BRWD1: variants seen among roughly 807,000 people sequenced by gnomAD.
BRWD1 encodes the protein bromodomain and WD repeat-containing protein 1.
In BRWD1, 82 loss-of-function variants were observed where a neutral mutation model predicts 251.2. That is an observed-to-expected ratio of 0.33 (90% CI 0.27 to 0.39). The LOEUF is 0.39. BRWD1 is among the 10% of genes least tolerant of loss of function. The pLI, the probability that BRWD1 is intolerant of heterozygous loss-of-function variation, is 1.00. For synonymous variants in BRWD1, 918 were observed against 902.8 expected (o/e 1.02, Z -0.30); for missense variants, 2,233 against 2,711.6 (o/e 0.82, Z 3.92).
At chr21:39,255,514 T>G in intron 19 of BRWD1, 131 bp downstream of exon 19, 1 of 740,976 alleles carries the variant, frequency 1.3e-6, no homozygotes, top group Non-Finnish European at 2.1e-6. Context: ...ATTAAGATAG[T>G]AAGATTCCCA....
In BRWD1 at chr21:39,225,183, A is replaced by T; in HGVS notation, c.3223T>A (p.Ser1075Thr). Reference sequence around the variant, plus strand: ...AACCACCAAGCATCATCAATAATAGAGCGGAATCTGTCACCTAGGAGAGAA... The same window carrying T: ...AACCACCAAGCATCATCAATAATAGTGCGGAATCTGTCACCTAGGAGAGAA... ...RNWQSCDRFR[S>T]IIDDAWWFGT... Residue 1075 changes from serine to threonine, a missense_variant, in exon 28 of 41, where the codon TCT becomes ACT. Ser to Thr is a moderately conservative substitution (Grantham distance 58, BLOSUM62 1). This residue lies in a region of BRWD1 where 139 missense variants were observed against 272.8 expected (regional missense o/e 0.51). Coordinates refer to ENST00000342449, the MANE Select transcript of BRWD1 (RefSeq NM_033656.4). 6.2e-7 allele frequency: 1 copy of T among 1,612,230 alleles called. No homozygotes were observed. The highest frequency in any genetic ancestry group is 8.5e-7 in the Non-Finnish European group (1 of 1,178,610).
chr21:39,319,855 TTTTTC>T (rs1236705959), intron 1 of BRWD1, among the ~76,000 whole-genome samples: 1 of 152,228 alleles, frequency 6.6e-6, no homozygotes, highest in Non-Finnish European at 1.5e-5. Flanking sequence ...TCATTTTATT[TTTTTC>T]TTTTCATTTA....
chr21:39,291,177 C>G (rs769312410), intron 8 of BRWD1, among the ~76,000 whole-genome samples: 2 of 152,166 alleles, frequency 1.3e-5, no homozygotes, highest in Non-Finnish European at 2.9e-5. Flanking sequence ...TACTCACTCT[C>G]TTTTCTTTGA....
intron 4 of BRWD1, among the ~76,000 whole-genome samples, chr21:39,309,019 C>T (rs1013226948): frequency 2.0e-5 from 3 of 151,948 alleles, no homozygotes; most frequent in East Asian, 3.9e-4. Context: ...ACTAAAACTA[C>T]GAAAATTAGC....
chr21:39,184,594 T>TA (rs367931416), downstream of BRWD1: 101 of 152,294 alleles, frequency 6.6e-4, no homozygotes, highest in East Asian at 0.017. Context: ...CCTGTTGAGA[T>TA]AAAATCTCAA....
intron 29 of BRWD1, among the ~76,000 whole-genome samples, chr21:39,220,258 G>T (rs1020292737): frequency 2.6e-5 from 4 of 152,134 alleles, no homozygotes; most frequent in Non-Finnish European, 5.9e-5. Flanking sequence ...GCCAGGAAAA[G>T]AACCAAATGA....
rs545853318 is a variant in BRWD1, at chr21:39,279,643, A to G, written c.932+505T>C. ...AACAGAGTGAGACTCCATCTCAAAAAAAAAAAAAAAAAAGAAAAAAAAAAA... is the reference window on the plus strand; with the variant it reads ...AACAGAGTGAGACTCCATCTCAAAAGAAAAAAAAAAAAAGAAAAAAAAAAA... On this transcript the variant is annotated intron_variant, in intron 9 of 40. Transcript: ENST00000342449. Among the ~76,000 whole-genome samples the G allele has an allele frequency of 4.5e-4, 55 of 121,378 alleles. No homozygotes were observed. The East Asian group carries it at 5.3e-3, about 12-fold the overall frequency. The allele number at this position is 121,378 out of a possible 152,430, so 79.6% of individuals were successfully genotyped here.
At chr21:39,249,524 G>GT (rs146100129) in intron 20 of BRWD1, among the ~76,000 whole-genome samples, 2,321 of 152,188 alleles carry the variant, frequency 0.015, 58 homozygotes, top group African/African-American at 0.053. Flanking sequence ...ATTGGTTTTA[G>GT]TTTTTTTAAA....
At chr21:39,293,722 A>G (rs941561354) in intron 8 of BRWD1, 89 bp downstream of exon 8, 1 of 962,438 alleles carries the variant, frequency 1.0e-6, no homozygotes. Context: ...ACTAATACAC[A>G]TCTTACTATT....
At chr21:39,215,809 C>G (rs916645900) in intron 31 of BRWD1, among the ~76,000 whole-genome samples, 2 of 152,082 alleles carry the variant, frequency 1.3e-5, no homozygotes, top group Non-Finnish European at 2.9e-5. Flanking sequence ...GCCTGGACAA[C>G]ATGGCAAAAC....
At chr21:39,274,987 G>A (rs2035235001) in intron 12 of BRWD1, among the ~76,000 whole-genome samples, 1 of 152,008 alleles carries the variant, frequency 6.6e-6, no homozygotes, top group African/African-American at 2.4e-5. Flanking sequence ...TTGCAGTGCA[G>A]TGAGCCGAGG....
intron 36 of BRWD1, among the ~76,000 whole-genome samples, chr21:39,208,165 T>C (rs1453287789): frequency 6.6e-6 from 1 of 152,226 alleles, no homozygotes; most frequent in East Asian, 1.9e-4. Flanking sequence ...GACAATGTAC[T>C]ATACCAAAAA....
chr21:39,262,459 G>A (rs984741692), intron 17 of BRWD1, among the ~76,000 whole-genome samples: 3 of 152,206 alleles, frequency 2.0e-5, no homozygotes, highest in Non-Finnish European at 4.4e-5. Flanking sequence ...CCTCATGCCT[G>A]TAATCCCACC....
In BRWD1 at chr21:39,215,380, C is replaced by A. The variant is rs1279253900; in HGVS notation, c.3660-18G>T. ...ACAGCCTCCTTCAAAATAAAGTAGA[C>A]AATTTAGGGCTTAGAAAATGAGAAG... On this transcript the variant is annotated intron_variant, in intron 31 of 40. Coordinates refer to ENST00000342449, the MANE Select transcript of BRWD1 (RefSeq NM_033656.4). 1.9e-6 allele frequency: 3 copies of A among 1,598,546 alleles called. No individual in the cohort carries two copies.
In BRWD1 at chr21:39,230,930, T is replaced by C. The variant is rs537678963; in HGVS notation, c.3000+1247A>G. ...AATGACCAAAAGGCTCTGAGAGTAC[T>C]GTTTGGGGGATTACAAATAAAGCAA... On this transcript the variant is annotated intron_variant, in intron 25 of 40. Transcript: ENST00000342449. Among the ~76,000 whole-genome samples, 3 of 152,216 alleles carry C rather than the reference T, an allele frequency of 2.0e-5. No individual in the cohort carries two copies. In the South Asian group the frequency reaches 6.2e-4, roughly 32 times the overall value.
chr21:39,286,793 C>T (rs1481614228), intron 8 of BRWD1, among the ~76,000 whole-genome samples: 2 of 152,096 alleles, frequency 1.3e-5, no homozygotes, highest in South Asian at 2.1e-4. Context: ...GGATTGCAGA[C>T]GTGAGCCACT....
Position 39,252,249 on chromosome 21 carries a change from C to CA in BRWD1, c.2256-1361dup, listed in dbSNP as rs36017444. 6.6e-3 allele frequency among the ~76,000 whole-genome samples: 804 copies of CA among 122,212 alleles called. 15 individuals are homozygous for CA. Among genetic ancestry groups the CA allele is most frequent in the African/African-American group, 0.016 (523 of 32,302 alleles). 80.2% of individuals were successfully genotyped at this position (122,212 alleles called of 152,430 possible). A position where few individuals can be genotyped will look rare whatever the true frequency, so the allele number is the denominator to read the frequency against. On this transcript the variant is annotated intron_variant, in intron 19 of 40. Transcript: ENST00000342449. ...GGGCAACAAAAGCAGAACTCCGTCTCAAAAAAAAAAAAAAAAATTTATAAT... is the reference window on the plus strand; with the variant it reads ...GGGCAACAAAAGCAGAACTCCGTCTCAAAAAAAAAAAAAAAAAATTTATAAT...
Position 39,313,574 on chromosome 21 carries a change from C to T in BRWD1, c.-83G>A, listed in dbSNP as rs983292920. On this transcript the variant is annotated 5_prime_UTR_variant, in exon 1 of 41. Transcript: ENST00000342449. ...CCGAGGCCTGACCGGGCTGGCGTCC[C>T]CTCTTCTCAGGCGCGCGCCGCCGCC... 4.2e-5 allele frequency: 49 copies of T among 1,180,560 alleles called. No individual in the cohort carries two copies. The highest frequency in any genetic ancestry group is 4.0e-4 in the East Asian group (12 of 30,204). 73.1% of individuals were successfully genotyped at this position (1,180,560 alleles called of 1,614,324 possible).
intron 15 of BRWD1, 134 bp from the exon 16 acceptor site, chr21:39,265,153 G>C: frequency 5.2e-6 from 5 of 963,604 alleles, no homozygotes; most frequent in Non-Finnish European, 7.4e-6. Flanking sequence ...GCCAGGCATG[G>C]TGGCTCATAC....
Sources: gnomAD v4.1 joint callset for allele counts (sites outside exome capture counted in the v4.1 genomes callset) on GRCh38, gnomAD v4.1.1 for gene constraint, gnomAD v4.1.1 regional missense constraint, MANE v1.5 for transcripts, NCBI Gene and HGNC (gene_info 2026-07-23, HGNC 2026-07-21) for gene names.